TENT5C: variants seen among roughly 807,000 people sequenced by gnomAD.
TENT5C encodes the protein family with sequence similarity 46 member C.
In TENT5C, 5 loss-of-function variants were observed where a neutral mutation model predicts 22.2. That is an observed-to-expected ratio of 0.22 (90% CI 0.12 to 0.47). The LOEUF (loss-of-function observed/expected upper bound fraction) is 0.47. Among genes scored for constraint, TENT5C ranks in the 20% least tolerant of loss-of-function variants. The pLI, the probability that TENT5C is intolerant of heterozygous loss-of-function variation, is 0.99. For synonymous variants in TENT5C, 199 were observed against 195.4 expected (o/e 1.02, Z -0.15); for missense variants, 364 against 500.9 (o/e 0.73, Z 2.61).
rs77097869 is a variant in TENT5C at position 117,617,764 on chromosome 1, C to T, written c.-27-5078C>T. Among the ~76,000 whole-genome samples, 1,039 of 152,264 alleles carry T rather than the reference C, an allele frequency of 6.8e-3. 16 individuals are homozygous for T. The highest frequency in any genetic ancestry group is 0.024 in the African/African-American group (986 of 41,534). On this transcript the variant is annotated intron_variant, in intron 1 of 1. Coordinates refer to ENST00000369448, the MANE Select transcript of TENT5C (RefSeq NM_017709.4). ...GGGGATTATATCAGTGTTGATTTAA[C>T]GTGGTTAATTAAAACTAAAAACTGT...
Position 117,624,166 on chromosome 1 carries a change from T to G in TENT5C, c.*122T>G. 9.3e-6 allele frequency: 5 copies of G among 537,880 alleles called. No individual in the cohort carries two copies. The South Asian group carries it at 1.8e-4, about 19-fold the overall frequency. 33.3% of individuals were successfully genotyped at this position (537,880 alleles called of 1,614,324 possible). On this transcript the variant is annotated 3_prime_UTR_variant, in exon 2 of 2. Coordinates refer to ENST00000369448, the MANE Select transcript of TENT5C (RefSeq NM_017709.4). ...AGGGGAACTCAGCTCTGATTCTGCTTTTTTTTTTTTTTTTCCTTTGTGTAC... is the reference window on the plus strand; with the variant it reads ...AGGGGAACTCAGCTCTGATTCTGCTGTTTTTTTTTTTTTTCCTTTGTGTAC...
At chr1:117,615,933 G>T (rs1293791375) in intron 1 of TENT5C, among the ~76,000 whole-genome samples, 11 of 152,206 alleles carry the variant, frequency 7.2e-5, no homozygotes, top group African/African-American at 2.4e-4. Flanking sequence ...GAAGGTTGCT[G>T]TGTCCTTTTT....
intron 1 of TENT5C, among the ~76,000 whole-genome samples, chr1:117,610,399 C>A (rs1337499769): frequency 6.6e-6 from 1 of 152,182 alleles, no homozygotes; most frequent in African/African-American, 2.4e-5. Flanking sequence ...ATACTCATAT[C>A]TGCACAAAGG....
At chr1:117,608,079 T>TAAA (rs35986908) in intron 1 of TENT5C, among the ~76,000 whole-genome samples, 1 of 141,208 alleles carries the variant, frequency 7.1e-6, no homozygotes, top group African/African-American at 2.6e-5. Context: ...TAACAAAGTT[T>TAAA]AAAAAAAAAA....
At position 117,626,820 on chromosome 1, in the gene TENT5C, G is replaced by T. The variant is rs1654023911; in HGVS notation, c.*2776G>T. The T allele has an allele frequency of 4.0e-6, 1 of 247,990 alleles. No homozygotes were observed. The highest frequency in any genetic ancestry group is 8.5e-6 in the Non-Finnish European group (1 of 118,140). The allele number at this position is 247,990 out of a possible 1,614,324, so 15.4% of individuals were successfully genotyped here. On this transcript the variant is annotated 3_prime_UTR_variant, in exon 2 of 2. Transcript: ENST00000369448. ...CTTATTTGTTTCGGGACTCTGATTT[G>T]ACTCTTTTTCTGATGCTTTCGGCAT... is the stretch of plus-strand genomic sequence containing the variant.
chr1:117,625,410 G>A lies in TENT5C; in HGVS notation c.*1366G>A, dbSNP rs1653986841. 8.1e-6 allele frequency: 2 copies of A among 248,168 alleles called. No homozygotes were observed. The highest frequency in any genetic ancestry group is 1.2e-4 in the East Asian group (2 of 16,588). 15.4% of individuals were successfully genotyped at this position (248,168 alleles called of 1,614,324 possible). A position where few individuals can be genotyped will look rare whatever the true frequency, so the allele number is the denominator to read the frequency against. On this transcript the variant is annotated 3_prime_UTR_variant, in exon 2 of 2. Transcript: ENST00000369448. ...AATTCTGCACTTTAGAAGAAAAACA[G>A]TGTTAATCTGTAGTTGAAAGAAAGC... is the stretch of plus-strand genomic sequence containing the variant.
rs1654003921 is a variant in TENT5C, at chr1:117,625,998, A to G, written c.*1954A>G. On this transcript the variant is annotated 3_prime_UTR_variant, in exon 2 of 2. Coordinates refer to ENST00000369448, the MANE Select transcript of TENT5C (RefSeq NM_017709.4). ...CAGTGTTAAGAGTGGGGCAATGAAGAGTGAACCCCAATGAAGAGTGATCCC... is the reference window on the plus strand; with the variant it reads ...CAGTGTTAAGAGTGGGGCAATGAAGGGTGAACCCCAATGAAGAGTGATCCC... The G allele has an allele frequency of 8.1e-6, 2 of 247,910 alleles. No homozygotes were observed. Among genetic ancestry groups the G allele is most frequent in the Non-Finnish European group, 1.7e-5 (2 of 118,036 alleles). 15.4% of individuals were successfully genotyped at this position (247,910 alleles called of 1,614,324 possible).
Position 117,627,064 on chromosome 1 carries a change from T to A in TENT5C, c.*3020T>A, listed in dbSNP as rs1438173704. 1.6e-5 allele frequency: 4 copies of A among 248,082 alleles called. No homozygotes were observed. Among genetic ancestry groups the A allele is most frequent in the Admixed American group, 5.6e-5 (1 of 17,788 alleles). 15.4% of individuals were successfully genotyped at this position (248,082 alleles called of 1,614,324 possible). ...GAACTCTATTACTAATGCCTTCCAA[T>A]CAGAGTTCCTGATGGGGATGCCTGT... On this transcript the variant is annotated 3_prime_UTR_variant, in exon 2 of 2. Coordinates refer to ENST00000369448, the MANE Select transcript of TENT5C (RefSeq NM_017709.4).
In TENT5C at chr1:117,623,145, C is replaced by G. The variant is rs139168147; in HGVS notation, c.277C>G (p.Leu93Val). 2.8e-5 allele frequency: 45 copies of G among 1,614,082 alleles called. No homozygotes were observed. In the Middle Eastern group the frequency reaches 4.9e-4, roughly 18 times the overall value. Residue 93 changes from leucine to valine, a missense_variant, in exon 2 of 2, where the codon CTA becomes GTA. By Grantham distance (32) the Leu-to-Val change is conservative. Transcript: ENST00000369448. ...TGGCTTGGGCTGCAAAGACCTGGAC[C>G]TAATCTTCCATGTGGCTCTTCCAAC... ...DNGLGCKDLD[L>V]IFHVALPTEA... is the part of the protein sequence containing the mutation.
chr1:117,613,677 T>G (rs552748773), intron 1 of TENT5C, among the ~76,000 whole-genome samples: 1 of 152,290 alleles, frequency 6.6e-6, no homozygotes, highest in South Asian at 2.1e-4. Context: ...ACAGCTCATG[T>G]GGGAATCTAA....
At chr1:117,615,063 G>A (rs1457773192) in intron 1 of TENT5C, among the ~76,000 whole-genome samples, 1 of 152,216 alleles carries the variant, frequency 6.6e-6, no homozygotes, top group Non-Finnish European at 1.5e-5. Context: ...CAGTTTCTAT[G>A]CTGACAGTTG....
At chr1:117,621,045 G>A (rs1195473368) in intron 1 of TENT5C, among the ~76,000 whole-genome samples, 1 of 152,120 alleles carries the variant, frequency 6.6e-6, no homozygotes, top group Non-Finnish European at 1.5e-5. Context: ...GAAACCAAAT[G>A]CCAGTCACAG....
chr1:117,618,997 C>T (rs1408159176), intron 1 of TENT5C, among the ~76,000 whole-genome samples: 1 of 152,186 alleles, frequency 6.6e-6, no homozygotes, highest in East Asian at 1.9e-4. Flanking sequence ...AAAACAAACC[C>T]TGAATGCTCA....
rs951561143 is a variant in TENT5C at position 117,606,054 on chromosome 1, C to T, written c.-127C>T. 1 of 152,116 alleles carries T rather than the reference C, an allele frequency of 6.6e-6. No individual in the cohort carries two copies. The highest frequency in any genetic ancestry group is 1.9e-4 in the East Asian group (1 of 5,140). The allele number at this position is 152,116 out of a possible 1,614,324, so 9.4% of individuals were successfully genotyped here. A position where few individuals can be genotyped will look rare whatever the true frequency, so the allele number is the denominator to read the frequency against. On this transcript the variant is annotated 5_prime_UTR_variant, in exon 1 of 2. Coordinates refer to ENST00000369448, the MANE Select transcript of TENT5C (RefSeq NM_017709.4). ...GAGGGGGCGGCGGCGGGACGGCTCA[C>T]TCGGTGCCGCTGCCTAGGGGCTGTA...
At chr1:117,610,991 C>T (rs948775696) in intron 1 of TENT5C, among the ~76,000 whole-genome samples, 8 of 152,328 alleles carry the variant, frequency 5.3e-5, no homozygotes, top group South Asian at 2.1e-4. Context: ...CACCCTCTTC[C>T]GTTGCCGTAA....
rs530987102 is a variant in TENT5C, at chr1:117,625,147, T to C, written c.*1103T>C. 4 of 247,784 alleles carry C rather than the reference T, an allele frequency of 1.6e-5. No homozygotes were observed. The South Asian group carries it at 7.2e-4, about 45-fold the overall frequency. The allele number at this position is 247,784 out of a possible 1,614,324, so 15.3% of individuals were successfully genotyped here. On this transcript the variant is annotated 3_prime_UTR_variant, in exon 2 of 2. Coordinates refer to ENST00000369448, the MANE Select transcript of TENT5C (RefSeq NM_017709.4). ...AAATAGTGACTTCCTTCTCCAGGTGTGTTTGACAGCAACTCAATTCAGGAA... is the reference window on the plus strand; with the variant it reads ...AAATAGTGACTTCCTTCTCCAGGTGCGTTTGACAGCAACTCAATTCAGGAA...
In TENT5C at chr1:117,625,251, TGG is replaced by T; in HGVS notation, c.*1212_*1213del. 1 of 248,124 alleles carries T rather than the reference TGG, an allele frequency of 4.0e-6. No individual in the cohort carries two copies. The highest frequency in any genetic ancestry group is 8.5e-6 in the Non-Finnish European group (1 of 118,136). 15.4% of individuals were successfully genotyped at this position (248,124 alleles called of 1,614,324 possible). On this transcript the variant is annotated 3_prime_UTR_variant, in exon 2 of 2. Coordinates refer to ENST00000369448, the MANE Select transcript of TENT5C (RefSeq NM_017709.4). ...TTCGTGCTCTGTGTGAAGGGGAAGC[TGG>T]GGGGTTAGCATGAAGTCTGGCCTTG...
intron 1 of TENT5C, among the ~76,000 whole-genome samples, chr1:117,614,179 G>C (rs1653727024): frequency 6.6e-6 from 1 of 152,160 alleles, no homozygotes; most frequent in African/African-American, 2.4e-5. Flanking sequence ...GCAGACAAAA[G>C]CCTTCCTTAG....
At chr1:117,620,683 G>C (rs1452078884) in intron 1 of TENT5C, among the ~76,000 whole-genome samples, 1 of 152,128 alleles carries the variant, frequency 6.6e-6, no homozygotes, top group South Asian at 2.1e-4. Flanking sequence ...CCGGAGCTCT[G>C]CCTCCTGTCA....
Sources: allele counts gnomAD v4.1 joint callset (sites outside exome capture counted in the v4.1 genomes callset), GRCh38; gene constraint gnomAD v4.1.1; transcripts MANE v1.5; gene names NCBI Gene and HGNC (gene_info 2026-07-23, HGNC 2026-07-21).